ARHGAP6: variants seen among roughly 807,000 people sequenced by gnomAD.
ARHGAP6 encodes Rho GTPase activating protein 6.
ARHGAP6 carries 16 observed loss-of-function variants against 55.7 expected under a neutral mutation model. The ratio of observed to expected loss-of-function variants is 0.29; its 90% CI spans 0.19 to 0.44. The LOEUF is 0.44. Among genes scored for constraint, ARHGAP6 ranks in the 20% least tolerant of loss-of-function variants. The pLI is 1.00. For missense variants in ARHGAP6, 698 were observed against 808.9 expected, an observed-to-expected ratio of 0.86 and a Z score of 1.66; for synonymous variants, 382 against 360.9, an observed-to-expected ratio of 1.06 and a Z score of -0.66.
At chrX:11,612,803 A>G (rs1450070063) in intron 1 of ARHGAP6, among the ~76,000 whole-genome samples, 1 of 112,427 alleles carries the variant, frequency 8.9e-6, no homozygotes, top group African/African-American at 3.2e-5. Context: ...GTGTTCTTTC[A>G]GTGTTCTTCA....
intron 1 of ARHGAP6, among the ~76,000 whole-genome samples, chrX:11,496,119 T>A (rs2050619618): frequency 8.9e-6 from 1 of 112,418 alleles, no homozygotes; most frequent in Non-Finnish European, 1.9e-5. Context: ...AGCAAAGAAA[T>A]CAGCTAAACT....
intron 1 of ARHGAP6, among the ~76,000 whole-genome samples, chrX:11,487,186 T>A (rs970857197): frequency 2.7e-5 from 3 of 112,515 alleles, no homozygotes; most frequent in African/African-American, 9.7e-5. Context: ...CATATATGCA[T>A]ATGTGTAAAT....
At chrX:11,152,915 G>C (rs1290932984) in intron 10 of ARHGAP6, among the ~76,000 whole-genome samples, 1 of 111,770 alleles carries the variant, frequency 8.9e-6, no homozygotes, top group African/African-American at 3.3e-5. Flanking sequence ...GAATCTCTGA[G>C]GGGTGGCCCA....
At chrX:11,392,331 T>A (rs983398906) in intron 1 of ARHGAP6, among the ~76,000 whole-genome samples, 2 of 111,487 alleles carry the variant, frequency 1.8e-5, no homozygotes, top group African/African-American at 6.5e-5. Context: ...CTATGTACCA[T>A]TCCCAACCCC....
At chrX:11,490,868 A>G (rs2050560283) in intron 1 of ARHGAP6, among the ~76,000 whole-genome samples, 1 of 112,598 alleles carries the variant, frequency 8.9e-6, no homozygotes, top group Non-Finnish European at 1.9e-5. Flanking sequence ...ATAAGACCCA[A>G]TCATAGTATA....
chrX:11,242,433 AT>A (rs752716935), intron 2 of ARHGAP6, among the ~76,000 whole-genome samples: 27 of 111,156 alleles, frequency 2.4e-4, no homozygotes, highest in African/African-American at 6.2e-4. Flanking sequence ...AAGTTATATG[AT>A]TTTTTTTAAA....
At chrX:11,419,567 A>G in intron 1 of ARHGAP6, among the ~76,000 whole-genome samples, 1 of 112,025 alleles carries the variant, frequency 8.9e-6, no homozygotes, top group East Asian at 2.8e-4. Flanking sequence ...TACCCTTGCT[A>G]ATCTATTATT....
At chrX:11,589,673 T>C (rs2051781316) in intron 1 of ARHGAP6, among the ~76,000 whole-genome samples, 1 of 110,961 alleles carries the variant, frequency 9.0e-6, no homozygotes. Context: ...AATTATCTAA[T>C]AGGGAGCCTG....
At chrX:11,404,516 A>G (rs1050457084) in intron 1 of ARHGAP6, among the ~76,000 whole-genome samples, 1 of 112,000 alleles carries the variant, frequency 8.9e-6, no homozygotes, top group African/African-American at 3.2e-5. Flanking sequence ...TTAGAACTCA[A>G]AGAAAGTATC....
chrX:11,393,670 G>A (rs762414296), intron 1 of ARHGAP6, among the ~76,000 whole-genome samples: 1 of 111,157 alleles, frequency 9.0e-6, no homozygotes, highest in East Asian at 2.8e-4. Flanking sequence ...ATTCTCTGAG[G>A]TAGTGTGTAG....
chrX:11,518,630 C>CTT (rs777727429), intron 1 of ARHGAP6, among the ~76,000 whole-genome samples: 3 of 97,988 alleles, frequency 3.1e-5, no homozygotes, highest in African/African-American at 7.4e-5. Context: ...CAACAGTGCA[C>CTT]TTTTTTTTTT....
chrX:11,430,930 T>C (rs2049935183), intron 1 of ARHGAP6, among the ~76,000 whole-genome samples: 1 of 111,642 alleles, frequency 9.0e-6, no homozygotes, highest in African/African-American at 3.3e-5. Flanking sequence ...CATTCCACAC[T>C]TTATAAATAT....
chrX:11,241,572 G>GCA (rs1384933705), intron 2 of ARHGAP6, among the ~76,000 whole-genome samples: 7 of 102,729 alleles, frequency 6.8e-5, no homozygotes, highest in African/African-American at 2.2e-4. Flanking sequence ...GTGTGTGTGT[G>GCA]TGCGCGTGTG....
At chrX:11,315,397 C>A (rs777581248) in intron 1 of ARHGAP6, among the ~76,000 whole-genome samples, 16 of 112,178 alleles carry the variant, frequency 1.4e-4, no homozygotes, top group Non-Finnish European at 2.6e-4. Context: ...TGAATGCCAC[C>A]ACTGATCTGA....
At chrX:11,613,433 C>T (rs757582804) in intron 1 of ARHGAP6, among the ~76,000 whole-genome samples, 2 of 112,039 alleles carry the variant, frequency 1.8e-5, no homozygotes, top group Non-Finnish European at 3.8e-5. Flanking sequence ...AGGTTTCAGC[C>T]TTTTCTGAGA....
At chrX:11,154,589 GTGTGTTT>G (rs1164846053) in intron 10 of ARHGAP6, among the ~76,000 whole-genome samples, 1 of 112,142 alleles carries the variant, frequency 8.9e-6, no homozygotes, top group Non-Finnish European at 1.9e-5. Flanking sequence ...CCTCAAAAGT[GTGTGTTT>G]TGTAGCTTTC....
At chrX:11,501,430 C>T (rs1440010631) in intron 1 of ARHGAP6, among the ~76,000 whole-genome samples, 1 of 111,714 alleles carries the variant, frequency 9.0e-6, no homozygotes, top group African/African-American at 3.3e-5. Flanking sequence ...GGTCTTCTAG[C>T]CATAGTTTGC....
At chrX:11,257,332 TC>T (rs1161406108) in intron 1 of ARHGAP6, among the ~76,000 whole-genome samples, 1 of 112,272 alleles carries the variant, frequency 8.9e-6, no homozygotes, top group African/African-American at 3.2e-5. Flanking sequence ...GGTTTGACAA[TC>T]TTTTTCTGTA....
At chrX:11,461,378 G>A (rs751713777) in intron 1 of ARHGAP6, among the ~76,000 whole-genome samples, 1 of 111,894 alleles carries the variant, frequency 8.9e-6, no homozygotes, top group African/African-American at 3.2e-5. Flanking sequence ...ATAGGGAGGG[G>A]CAAGATCACA....
Sources: allele counts gnomAD v4.1 joint callset (sites outside exome capture counted in the v4.1 genomes callset), GRCh38; gene constraint gnomAD v4.1.1; transcripts MANE v1.5; gene names NCBI Gene and HGNC (gene_info 2026-07-23, HGNC 2026-07-21).